GLI2: variants seen among roughly 807,000 people sequenced by gnomAD.
GLI2 encodes the protein transcription activator GLI2.
Under a neutral mutation model 78.9 loss-of-function variants are expected in GLI2, and 22 were observed. The observed-to-expected ratio is 0.28, with a 90% CI of 0.20 to 0.40. GLI2 has a LOEUF of 0.40. Ranked by LOEUF, GLI2 falls within the 10% of genes least tolerant of loss-of-function variation. GLI2 has a pLI of 1.00. For synonymous variants in GLI2, 974 were observed against 963.7 expected (o/e 1.01, Z -0.20); for missense variants, 2,097 against 2,213.2 (o/e 0.95, Z 1.05).
chr2:120,890,794 G>A (rs970032218), intron 2 of GLI2, among the ~76,000 whole-genome samples: 1 of 152,196 alleles, frequency 6.6e-6, no homozygotes, highest in African/African-American at 2.4e-5. Context: ...GCCTCCTTCG[G>A]GACATCTATG....
chr2:120,880,234 C>T (rs778607266), intron 2 of GLI2, among the ~76,000 whole-genome samples: 1 of 152,172 alleles, frequency 6.6e-6, no homozygotes, highest in South Asian at 2.1e-4. Flanking sequence ...GCTTAGAGCC[C>T]GTCGTCCAGA....
intron 1 of GLI2, among the ~76,000 whole-genome samples, chr2:120,770,317 C>T (rs1683486834): frequency 6.6e-6 from 1 of 152,214 alleles, no homozygotes; most frequent in Non-Finnish European, 1.5e-5. Flanking sequence ...CCCCCATCTC[C>T]TACCCTTCCA....
intron 3 of GLI2, among the ~76,000 whole-genome samples, chr2:120,937,568 C>T (rs1189053524): frequency 3.3e-5 from 5 of 152,120 alleles, no homozygotes; most frequent in Non-Finnish European, 7.4e-5. Flanking sequence ...ATGAAGGCCT[C>T]CCCCCACGTC....
intron 2 of GLI2, among the ~76,000 whole-genome samples, chr2:120,855,842 C>G (rs975746195): frequency 6.6e-6 from 1 of 152,200 alleles, no homozygotes; most frequent in Non-Finnish European, 1.5e-5. Flanking sequence ...GCTCTCTGAC[C>G]CTGGGCCTCT....
At chr2:120,914,676 G>C (rs928573747) in intron 2 of GLI2, among the ~76,000 whole-genome samples, 1 of 152,130 alleles carries the variant, frequency 6.6e-6, no homozygotes, top group Non-Finnish European at 1.5e-5. Context: ...TTGCTAAAGG[G>C]GCAGGAGCCC....
At chr2:120,900,812 C>T (rs1678216748) in intron 2 of GLI2, among the ~76,000 whole-genome samples, 1 of 152,180 alleles carries the variant, frequency 6.6e-6, no homozygotes, top group Non-Finnish European at 1.5e-5. Context: ...GAGGTGGCCC[C>T]ACATCTGCTG....
intron 2 of GLI2, among the ~76,000 whole-genome samples, chr2:120,888,774 G>C (rs1393235600): frequency 6.6e-6 from 1 of 152,200 alleles, no homozygotes; most frequent in Non-Finnish European, 1.5e-5. Context: ...GTCGCTGCTT[G>C]CATGTTCCAG....
At chr2:120,935,233 C>G (rs1247763459) in intron 3 of GLI2, among the ~76,000 whole-genome samples, 1 of 152,188 alleles carries the variant, frequency 6.6e-6, no homozygotes. Flanking sequence ...GCAACTTGTC[C>G]TTCCTTTCCA....
chr2:120,989,323 C>T lies in GLI2; in HGVS notation c.3358C>T (p.Leu1120=). The change falls in exon 14 of 14, where the codon CTG becomes TTG. Residue 1120 remains leucine, a synonymous_variant. Coordinates refer to ENST00000361492, the MANE Select transcript of GLI2 (RefSeq NM_001374353.1). ...GTTAGGCTTTGGGGCGCCCTCCAGC[C>T]TGAACAAAAATAACATGCCTGTGCA... ...CQLGFGAPSS[L]NKNNMPVQWN... The T allele has an allele frequency of 1.9e-6, 3 of 1,613,074 alleles. 1 individual carries two copies. The South Asian group carries it at 3.3e-5, about 18-fold the overall frequency.
In GLI2 at chr2:120,986,529, G is replaced by C. The variant is rs754084344; in HGVS notation, c.2157G>C (p.Lys719Asn). The change falls in exon 13 of 14, where the codon AAG becomes AAC. Residue 719 changes from lysine (K) to asparagine (N), a missense_variant. Around this residue, in one of 5 missense-constraint regions of GLI2, gnomAD observed 1,290 missense variants for 1,261.7 expected, o/e 1.02. Coordinates refer to ENST00000361492, the MANE Select transcript of GLI2 (RefSeq NM_001374353.1). ...GGTTCGAGCAGCTCAAGAAGGAGAAGCTCAAGTCACTCAAGGATTCCTGCT... is the reference window on the plus strand; with the variant it reads ...GGTTCGAGCAGCTCAAGAAGGAGAACCTCAAGTCACTCAAGGATTCCTGCT... ...MHRFEQLKKE[K>N]LKSLKDSCSW... 11 of 1,614,022 alleles carry C rather than the reference G, an allele frequency of 6.8e-6. No homozygotes were observed. In the East Asian group the frequency reaches 2.5e-4, roughly 36 times the overall value.
At chr2:120,739,271 C>T (rs1682457036) in intron 1 of GLI2, among the ~76,000 whole-genome samples, 1 of 152,132 alleles carries the variant, frequency 6.6e-6, no homozygotes, top group African/African-American at 2.4e-5. Flanking sequence ...CTTCCATTGT[C>T]CCCCACCCCT....
intron 2 of GLI2, among the ~76,000 whole-genome samples, chr2:120,923,406 T>G (rs747880372): frequency 1.4e-5 from 2 of 146,618 alleles, no homozygotes; most frequent in Non-Finnish European, 3.0e-5. Flanking sequence ...ACAACATGCA[T>G]GTACATATAC....
chr2:120,791,218 G>A (rs947942871), intron 1 of GLI2, among the ~76,000 whole-genome samples: 1 of 152,294 alleles, frequency 6.6e-6, no homozygotes, highest in Middle Eastern at 3.4e-3. Flanking sequence ...CGTTCCCCAC[G>A]TCCCTATCTC....
chr2:120,966,269 G>T (rs1380562211), intron 5 of GLI2, among the ~76,000 whole-genome samples: 1 of 152,150 alleles, frequency 6.6e-6, no homozygotes, highest in Non-Finnish European at 1.5e-5. Flanking sequence ...GCAGGGACTT[G>T]TTTTATGCTG....
chr2:120,977,093 G>A (rs930902774), intron 9 of GLI2, among the ~76,000 whole-genome samples: 6 of 152,218 alleles, frequency 3.9e-5, no homozygotes, highest in Non-Finnish European at 5.9e-5. Context: ...ACAGTTGGGC[G>A]AGTCGCACAG....
At position 120,774,859 on chromosome 2, in the gene GLI2, G is replaced by A. The variant is rs145265691; in HGVS notation, c.-30-22432G>A. Reference sequence around the variant, plus strand: ...CTGAGACCTTTGCTTCCTCTGAGGGGTGACACACTGTCAGCTGTTTGCCAG... The same window carrying A: ...CTGAGACCTTTGCTTCCTCTGAGGGATGACACACTGTCAGCTGTTTGCCAG... On this transcript the variant is annotated intron_variant, in intron 1 of 13. Transcript: ENST00000361492. Among the ~76,000 whole-genome samples, 671 of 152,310 alleles carry A rather than the reference G, an allele frequency of 4.4e-3. 5 individuals carry two copies. Among genetic ancestry groups the A allele is most frequent in the African/African-American group, 0.015 (623 of 41,556 alleles).
chr2:120,946,406 A>G (rs1001494245), intron 3 of GLI2, among the ~76,000 whole-genome samples: 1 of 152,174 alleles, frequency 6.6e-6, no homozygotes, highest in South Asian at 2.1e-4. Flanking sequence ...TGATTGTGCC[A>G]TGGGAGTGTG....
chr2:120,860,667 G>A (rs1395737123), intron 2 of GLI2, among the ~76,000 whole-genome samples: 1 of 152,208 alleles, frequency 6.6e-6, no homozygotes, highest in East Asian at 1.9e-4. Flanking sequence ...GGAGGGACCT[G>A]GGTGTAGCCT....
intron 1 of GLI2, among the ~76,000 whole-genome samples, chr2:120,739,863 T>G (rs1682474591): frequency 6.6e-6 from 1 of 152,232 alleles, no homozygotes; most frequent in Non-Finnish European, 1.5e-5. Context: ...TTTCAGTTGC[T>G]CCTGAAATTG....
Sources: allele counts gnomAD v4.1 joint callset (sites outside exome capture counted in the v4.1 genomes callset), GRCh38; gene constraint gnomAD v4.1.1; regional missense constraint gnomAD v4.1.1; transcripts MANE v1.5; gene names NCBI Gene and HGNC (gene_info 2026-07-23, HGNC 2026-07-21).